The following THSD7B variants were observed in gnomAD, a reference collection of about 807,000 sequenced individuals.
The protein encoded by THSD7B is thrombospondin type-1 domain-containing protein 7B.
Under a neutral mutation model 213.6 loss-of-function variants are expected in THSD7B, and 138 were observed. That is an observed-to-expected ratio of 0.65 (90% CI 0.56 to 0.74). The LOEUF is 0.74. Among genes scored for constraint, THSD7B ranks in the 30% least tolerant of loss-of-function variants. The pLI is 0.00. For synonymous variants in THSD7B, 742 were observed against 687.0 expected, an observed-to-expected ratio of 1.08 and a Z score of -1.25; for missense variants, 1,931 against 1,991.5, an observed-to-expected ratio of 0.97 and a Z score of 0.58.
chr2:136,769,054 A>G (rs538825819), intron 1 of THSD7B, among the ~76,000 whole-genome samples: 2 of 152,284 alleles, frequency 1.3e-5, no homozygotes, highest in East Asian at 3.9e-4. Context: ...CTCCAAGATG[A>G]TAAGCATTCT....
intron 1 of THSD7B, among the ~76,000 whole-genome samples, chr2:136,817,668 G>C (rs900858229): frequency 1.3e-5 from 2 of 151,906 alleles, no homozygotes; most frequent in Non-Finnish European, 2.9e-5. Context: ...AGATCAGATA[G>C]TTGTAGATAT....
chr2:137,464,150 G>A (rs1687940696), intron 15 of THSD7B, among the ~76,000 whole-genome samples: 1 of 151,898 alleles, frequency 6.6e-6, no homozygotes, highest in Non-Finnish European at 1.5e-5. Context: ...ATTGATAGAG[G>A]GGCATCTGGT....
intron 15 of THSD7B, among the ~76,000 whole-genome samples, chr2:137,537,957 T>C (rs1680537049): frequency 6.6e-6 from 1 of 151,642 alleles, no homozygotes; most frequent in Non-Finnish European, 1.5e-5. Context: ...AAATCGAAGT[T>C]GTAGTACAGT....
In THSD7B at chr2:136,841,144, G is replaced by A. The variant is rs1466555063; in HGVS notation, c.-35-41000G>A. On this transcript the variant is annotated intron_variant, in intron 1 of 27. Transcript: ENST00000409968. ...CATACCAGTAACTGGAACTCCAAGG[G>A]GATATAGATACCTTGGCCAAAGTTT... 2.6e-5 allele frequency among the ~76,000 whole-genome samples: 4 copies of A among 152,062 alleles called. No homozygotes were observed. The East Asian group carries it at 7.7e-4, about 29-fold the overall frequency.
intron 15 of THSD7B, among the ~76,000 whole-genome samples, chr2:137,453,583 C>A (rs1687700050): frequency 6.6e-6 from 1 of 152,080 alleles, no homozygotes; most frequent in Admixed American, 6.5e-5. Context: ...CCCGCCTCGG[C>A]CTCCCAAAGT....
intron 1 of THSD7B, among the ~76,000 whole-genome samples, chr2:136,779,198 A>ATATGTGTGTGTG (rs1491418061): frequency 3.6e-5 from 2 of 55,088 alleles, no homozygotes; most frequent in Non-Finnish European, 8.0e-5. Flanking sequence ...ATATATATAT[A>ATATGTGTGTGTG]TGTGTGTGTG....
At chr2:136,990,934 G>A in intron 2 of THSD7B, 1 of 1,344,918 alleles carries the variant, frequency 7.4e-7, no homozygotes. Flanking sequence ...TCACAAATTA[G>A]CAGGTAAATC....
At chr2:137,536,763 A>C (rs1680514888) in intron 15 of THSD7B, among the ~76,000 whole-genome samples, 1 of 151,684 alleles carries the variant, frequency 6.6e-6, no homozygotes, top group African/African-American at 2.4e-5. Flanking sequence ...TCCATATCTA[A>C]TGTGATTGAT....
chr2:136,976,767 G>A (rs1014254616), intron 2 of THSD7B, among the ~76,000 whole-genome samples: 4 of 151,930 alleles, frequency 2.6e-5, no homozygotes, highest in African/African-American at 2.4e-5. Flanking sequence ...GACTACAGGC[G>A]CCTGCCACCA....
chr2:137,615,048 T>C (rs1682358283), intron 17 of THSD7B, among the ~76,000 whole-genome samples: 1 of 152,174 alleles, frequency 6.6e-6, no homozygotes, highest in Non-Finnish European at 1.5e-5. Context: ...GGGTCTGGGA[T>C]TGCATGTTGT....
chr2:136,784,683 A>G (rs1681807968), intron 1 of THSD7B, among the ~76,000 whole-genome samples: 1 of 152,156 alleles, frequency 6.6e-6, no homozygotes, highest in African/African-American at 2.4e-5. Context: ...GTTATATACA[A>G]GATACTTTTT....
At chr2:137,079,405 G>A (rs1167338636) in intron 3 of THSD7B, among the ~76,000 whole-genome samples, 1 of 151,912 alleles carries the variant, frequency 6.6e-6, no homozygotes, top group Non-Finnish European at 1.5e-5. Context: ...CTGTTATATG[G>A]TGCATAGATA....
intron 5 of THSD7B, among the ~76,000 whole-genome samples, chr2:137,150,350 A>G (rs914244120): frequency 1.3e-5 from 2 of 152,070 alleles, no homozygotes; most frequent in Non-Finnish European, 2.9e-5. Context: ...CCCAAATCTT[A>G]TCTTGAATTT....
chr2:137,280,610 T>C (rs1270713032), intron 12 of THSD7B, among the ~76,000 whole-genome samples: 21 of 152,110 alleles, frequency 1.4e-4, no homozygotes, highest in Admixed American at 1.4e-3. Flanking sequence ...TCCAGAAAGA[T>C]GGGCATTTTG....
At chr2:137,084,598 A>T (rs989468930) in intron 3 of THSD7B, among the ~76,000 whole-genome samples, 4 of 152,176 alleles carry the variant, frequency 2.6e-5, no homozygotes, top group Admixed American at 6.5e-5. Flanking sequence ...AACCTAAGCC[A>T]CTTCTAAGCC....
rs148997490 is a variant in THSD7B at position 136,944,063 on chromosome 2, G to C, written c.139+61746G>C. The stretch of plus-strand genomic sequence containing the variant: ...TATACACTGCTTTAAATGTGTCTCT[G>C]AGATTCTAGTATGTTGTCTCTTTGT... On this transcript the variant is annotated intron_variant, in intron 2 of 27. Coordinates refer to ENST00000409968, the MANE Select transcript of THSD7B (RefSeq NM_001316349.2). Among the ~76,000 whole-genome samples the C allele has an allele frequency of 1.4e-3, 214 of 152,256 alleles. 2 individuals are homozygous for C. The highest frequency in any genetic ancestry group is 4.0e-3 in the African/African-American group (165 of 41,546).
At chr2:137,370,680 G>A (rs550446501) in intron 12 of THSD7B, among the ~76,000 whole-genome samples, 32 of 152,116 alleles carry the variant, frequency 2.1e-4, no homozygotes, top group African/African-American at 6.5e-4. Flanking sequence ...TGTTGGCCAG[G>A]CTGGTCTTGA....
intron 21 of THSD7B, among the ~76,000 whole-genome samples, chr2:137,646,650 TTAATAATAATAA>T (rs147054450): frequency 0.02 from 2,574 of 130,186 alleles, 44 homozygotes; most frequent in Non-Finnish European, 0.029. Context: ...ACACTCCATC[TTAATAATAATAA>T]TAATAATAAT....
At chr2:137,133,866 A>C (rs1688784656) in intron 5 of THSD7B, among the ~76,000 whole-genome samples, 1 of 152,164 alleles carries the variant, frequency 6.6e-6, no homozygotes, top group South Asian at 2.1e-4. Context: ...TATGTTTTAC[A>C]CTTGCAGTGC....
Sources: allele counts gnomAD v4.1 joint callset (sites outside exome capture counted in the v4.1 genomes callset), GRCh38; gene constraint gnomAD v4.1.1; transcripts MANE v1.5; gene names NCBI Gene and HGNC (gene_info 2026-07-23, HGNC 2026-07-21).